The following JAK2 variants were observed in gnomAD, a reference collection of about 807,000 sequenced individuals.
JAK2 encodes tyrosine-protein kinase JAK2.
A neutral mutation model predicts 139.3 loss-of-function variants in JAK2; 86 were observed. The ratio of observed to expected loss-of-function variants is 0.62; its 90% CI spans 0.52 to 0.74. JAK2 has a LOEUF of 0.74. JAK2 is among the 30% of genes least tolerant of loss of function. The pLI is 0.00. For synonymous variants in JAK2, 490 were observed against 437.7 expected (o/e 1.12, Z -1.49); for missense variants, 1,421 against 1,360.3 (o/e 1.04, Z -0.70).
intron 22 of JAK2, among the ~76,000 whole-genome samples, chr9:5,102,104 G>A (rs1467003173): frequency 6.6e-6 from 1 of 152,146 alleles, no homozygotes; most frequent in East Asian, 1.9e-4. Flanking sequence ...AGCTAAAGGA[G>A]GATGTTCAAA....
intron 15 of JAK2, 70 bp downstream of exon 15, chr9:5,077,650 C>G (rs950574019): frequency 2.0e-6 from 2 of 991,562 alleles, no homozygotes; most frequent in Non-Finnish European, 2.8e-6. Flanking sequence ...ATTATCTTTA[C>G]CTGGAAACAA....
At chr9:5,014,833 A>G (rs1031554553) in intron 2 of JAK2, among the ~76,000 whole-genome samples, 3 of 152,026 alleles carry the variant, frequency 2.0e-5, no homozygotes, top group Admixed American at 6.6e-5. Flanking sequence ...TTGCACCTAC[A>G]TATGTGTTTC....
chr9:5,053,430 T>C (rs1472992176), intron 6 of JAK2, among the ~76,000 whole-genome samples: 6 of 152,082 alleles, frequency 3.9e-5, no homozygotes, highest in Non-Finnish European at 8.8e-5. Context: ...ATTCTGTGTA[T>C]TGTTATTTTA....
chr9:5,123,104 A>G lies in JAK2; in HGVS notation c.3160A>G (p.Ser1054Gly), dbSNP rs1488257983. The G allele has an allele frequency of 1.9e-6, 3 of 1,601,096 alleles. No individual in the cohort carries two copies. Among genetic ancestry groups the G allele is most frequent in the Non-Finnish European group, 2.6e-6 (3 of 1,172,414 alleles). ...TGAACTTTTCACATACATTGAGAAG[A>G]GTAAAAGTCCACCAGCGGTCAGTGT... is the stretch of plus-strand genomic sequence containing the variant. ...LYELFTYIEK[S>G]KSPPAEFMRM... The change falls in exon 23 of 25, where the codon AGT (serine) becomes GGT (glycine). Residue 1054 changes from serine (S) to glycine (G), a missense_variant. Physicochemically the swap from Ser to Gly is moderately conservative, Grantham distance 56. Transcript: ENST00000381652.
intron 8 of JAK2, among the ~76,000 whole-genome samples, chr9:5,061,632 T>C (rs377059549): frequency 6.6e-6 from 1 of 151,684 alleles, no homozygotes; most frequent in Admixed American, 6.6e-5. Context: ...TTATGGCTGG[T>C]TTGATCTTCT....
Position 5,069,123 on chromosome 9 carries a change from T to A in JAK2, c.1428T>A (p.Asp476Glu). The A allele has an allele frequency of 3.7e-6, 6 of 1,613,018 alleles. No homozygotes were observed. In the African/African-American group the frequency reaches 6.7e-5, roughly 18 times the overall value. The change falls in exon 11 of 25, where the codon GAT becomes GAA. Residue 476 changes from aspartate (D) to glutamate (E), a missense_variant. Coordinates refer to ENST00000381652, the MANE Select transcript of JAK2 (RefSeq NM_004972.4). ...AGAAGAACTTCAGCAGTCTTAAAGATCTTTTGAATTGTTACCAGATGGAAA... is the reference window on the plus strand; with the variant it reads ...AGAAGAACTTCAGCAGTCTTAAAGAACTTTTGAATTGTTACCAGATGGAAA... ...GTKKNFSSLK[D>E]LLNCYQMETV...
chr9:5,059,042 A>G (rs1586718836), intron 8 of JAK2, among the ~76,000 whole-genome samples: 1 of 152,116 alleles, frequency 6.6e-6, no homozygotes, highest in South Asian at 2.1e-4. Flanking sequence ...TAGCTAGTTC[A>G]ACTTTTGTTG....
intron 22 of JAK2, among the ~76,000 whole-genome samples, chr9:5,113,216 T>C (rs1822796978): frequency 7.3e-6 from 1 of 136,570 alleles, no homozygotes; most frequent in Non-Finnish European, 1.5e-5. Context: ...TTTTTTTTTT[T>C]TTTCCAGTAA....
chr9:5,001,464 A>T (rs1820923904), intron 2 of JAK2, among the ~76,000 whole-genome samples: 1 of 152,074 alleles, frequency 6.6e-6, no homozygotes, highest in Non-Finnish European at 1.5e-5. Flanking sequence ...TTGCTCCATT[A>T]TTCTGTTAAT....
At chr9:5,084,979 A>G in intron 19 of JAK2, 1 of 786,286 alleles carries the variant, frequency 1.3e-6, no homozygotes. Context: ...GCTGCCAGAA[A>G]GAACAGAAAG....
rs879815850 is a variant in JAK2, at chr9:5,034,904, C to G, written c.350+4998C>G. On this transcript the variant is annotated intron_variant, in intron 4 of 24. Coordinates refer to ENST00000381652, the MANE Select transcript of JAK2 (RefSeq NM_004972.4). The stretch of plus-strand genomic sequence containing the variant: ...CTGAGATCAGAGCAGAACTGAAGGA[C>G]ATAGAGAGACAAAAAACCCTTCAAA... 4.8e-3 allele frequency among the ~76,000 whole-genome samples: 733 copies of G among 152,056 alleles called. 8 individuals are homozygous for G. Among genetic ancestry groups the G allele is most frequent in the African/African-American group, 0.017 (698 of 41,480 alleles).
At chr9:5,078,546 G>A (rs1018836116) in intron 16 of JAK2, 102 bp downstream of exon 16, 76 of 804,236 alleles carry the variant, frequency 9.4e-5, no homozygotes, top group Non-Finnish European at 1.3e-4. Context: ...TAATTTGTAT[G>A]TTCCTGATTA....
chr9:5,099,203 C>T (rs890123505), intron 22 of JAK2: 1 of 152,220 alleles, frequency 6.6e-6, no homozygotes. Flanking sequence ...ACTACCTTAA[C>T]CACTGGGCGA....
rs192150191 is a variant in JAK2 at position 5,021,270 on chromosome 9, C to T, written c.-25-693C>T. Among the ~76,000 whole-genome samples, 518 of 152,238 alleles carry T rather than the reference C, an allele frequency of 3.4e-3. 1 individual carries two copies. The highest frequency in any genetic ancestry group is 5.1e-3 in the Non-Finnish European group (350 of 67,986). ...CCTATTCAAAGTGTGATTATCTACT[C>T]GCTATTTTGGTTCTTCTTTGTGGAG... On this transcript the variant is annotated intron_variant, in intron 2 of 24. Transcript: ENST00000381652.
At chr9:5,115,360 G>C (rs1199249150) in intron 22 of JAK2, among the ~76,000 whole-genome samples, 2 of 152,164 alleles carry the variant, frequency 1.3e-5, no homozygotes, top group Admixed American at 6.5e-5. Flanking sequence ...ACCAGAGTGA[G>C]GTACCATCTC....
At chr9:5,112,756 G>C in intron 22 of JAK2, 2 of 661,818 alleles carry the variant, frequency 3.0e-6, no homozygotes, top group East Asian at 3.3e-5. Flanking sequence ...GGCGAGAAGA[G>C]AAGGTGTCGC....
At chr9:5,093,529 C>T (rs1350482606) in intron 22 of JAK2, among the ~76,000 whole-genome samples, 1 of 152,134 alleles carries the variant, frequency 6.6e-6, no homozygotes, top group African/African-American at 2.4e-5. Context: ...GATGAGAAGA[C>T]CCCATGGCAC....
intron 22 of JAK2, among the ~76,000 whole-genome samples, chr9:5,104,229 G>C (rs553294842): frequency 6.6e-6 from 1 of 152,002 alleles, no homozygotes; most frequent in African/African-American, 2.4e-5. Context: ...TGGTAAAGGG[G>C]ATATCACCAC....
chr9:5,114,198 CT>C (rs1822920819), intron 22 of JAK2: 1 of 477,784 alleles, frequency 2.1e-6, no homozygotes, highest in African/African-American at 2.0e-5. Flanking sequence ...GAGCACCTAC[CT>C]GAGCCGGTCC....
Sources: allele counts gnomAD v4.1 joint callset (sites outside exome capture counted in the v4.1 genomes callset), GRCh38; gene constraint gnomAD v4.1.1; transcripts MANE v1.5; gene names NCBI Gene and HGNC (gene_info 2026-07-23, HGNC 2026-07-21).